The following CACNA1E variants were observed in gnomAD, a reference collection of about 807,000 sequenced individuals.
CACNA1E encodes calcium voltage-gated channel subunit alpha1 E, also known as voltage-dependent R-type calcium channel subunit alpha-1E.
Under a neutral mutation model 259.2 loss-of-function variants are expected in CACNA1E, and 40 were observed. That is an observed-to-expected ratio of 0.15 (90% CI 0.12 to 0.20). The LOEUF is 0.20. Among genes scored for constraint, CACNA1E ranks in the 10% least tolerant of loss-of-function variants. The pLI, the probability that CACNA1E is intolerant of heterozygous loss-of-function variation, is 1.00. For missense variants in CACNA1E, 1,874 were observed against 3,040.1 expected (o/e 0.62, Z 9.02); for synonymous variants, 1,104 against 1,138.5 (o/e 0.97, Z 0.61).
intron 1 of CACNA1E, among the ~76,000 whole-genome samples, chr1:181,405,833 T>G (rs673671): frequency 0.52 from 78,455 of 152,096 alleles, 21,043 homozygotes; most frequent in African/African-American, 0.66. Context: ...TTCAAGTGCT[T>G]AGTCTTTTTC....
intron 1 of CACNA1E, among the ~76,000 whole-genome samples, chr1:181,329,679 A>G (rs956678971): frequency 2.0e-5 from 3 of 152,220 alleles, no homozygotes; most frequent in Admixed American, 6.5e-5. Flanking sequence ...TCTGTCTCAC[A>G]GACAACTGCC....
At chr1:181,589,547 G>C (rs1203701850) in intron 6 of CACNA1E, among the ~76,000 whole-genome samples, 1 of 152,068 alleles carries the variant, frequency 6.6e-6, no homozygotes, top group East Asian at 1.9e-4. Context: ...TGAGGAGAGA[G>C]TGGATAATTT....
chr1:181,580,340 G>A lies in CACNA1E; in HGVS notation c.770-255G>A, dbSNP rs983637223. On this transcript the variant is annotated intron_variant, in intron 5 of 47. Coordinates refer to ENST00000367573, the MANE Select transcript of CACNA1E (RefSeq NM_001205293.3). ...GGTACTTCAGGTGAGGGTAGAGGAT[G>A]AAGCTTGCAGAGAGCAGGGGACTAT... is the stretch of plus-strand genomic sequence containing the variant. Among the ~76,000 whole-genome samples, 15 of 152,316 alleles carry A rather than the reference G, an allele frequency of 9.8e-5. No homozygotes were observed. The Middle Eastern group carries it at 0.01, about 104-fold the overall frequency.
At chr1:181,384,866 G>A (rs1383185451) in intron 1 of CACNA1E, among the ~76,000 whole-genome samples, 1 of 151,836 alleles carries the variant, frequency 6.6e-6, no homozygotes, top group Non-Finnish European at 1.5e-5. Context: ...TTGTGCACAC[G>A]TACCCTAAAA....
At chr1:181,720,674 G>T (rs1309544203) in intron 14 of CACNA1E, 109 bp from the exon 15 acceptor site, 2 of 722,544 alleles carry the variant, frequency 2.8e-6, no homozygotes, top group Non-Finnish European at 4.9e-6. Flanking sequence ...GGAAGAGGGG[G>T]GTTGTAGAAG....
At chr1:181,476,748 C>G (rs1025569984) in intron 2 of CACNA1E, among the ~76,000 whole-genome samples, 1 of 152,138 alleles carries the variant, frequency 6.6e-6, no homozygotes. Context: ...GTCAAGAGGC[C>G]GTGGGGGTGG....
chr1:181,490,917 G>GGACATCGTGCGT (rs961938160), intron 1 of CACNA1E, among the ~76,000 whole-genome samples: 1 of 152,138 alleles, frequency 6.6e-6, no homozygotes, highest in African/African-American at 2.4e-5. Context: ...CTGAGATGCA[G>GGACATCGTGCGT]GACATCGTGC....
At chr1:181,553,883 A>G (rs1648446168) in intron 3 of CACNA1E, among the ~76,000 whole-genome samples, 2 of 152,192 alleles carry the variant, frequency 1.3e-5, no homozygotes. Flanking sequence ...GTTTTTTGAT[A>G]TAGTCACTGG....
intron 6 of CACNA1E, among the ~76,000 whole-genome samples, chr1:181,614,628 G>C (rs1572383683): frequency 1.3e-5 from 2 of 152,188 alleles, no homozygotes; most frequent in East Asian, 1.9e-4. Context: ...TACACATGCA[G>C]TTAATTTTAT....
At chr1:181,518,927 G>A (rs191213314) in intron 3 of CACNA1E, among the ~76,000 whole-genome samples, 3 of 152,120 alleles carry the variant, frequency 2.0e-5, no homozygotes, top group Non-Finnish European at 4.4e-5. Context: ...AGAAAGCTTC[G>A]AAATCCCTGG....
At chr1:181,482,841 C>T (rs1043253026), upstream of CACNA1E, among the ~76,000 whole-genome samples, 2 of 152,266 alleles carry the variant, frequency 1.3e-5, no homozygotes, top group African/African-American at 4.8e-5. Flanking sequence ...CACTCCCGCC[C>T]TCTCGGCGGC....
chr1:181,760,601 G>A (rs560267880), intron 32 of CACNA1E, among the ~76,000 whole-genome samples: 2 of 152,190 alleles, frequency 1.3e-5, no homozygotes, highest in African/African-American at 4.8e-5. Context: ...ACAACAATTG[G>A]TTGGCTATTA....
At chr1:181,652,175 A>G (rs1009737405) in intron 7 of CACNA1E, 2 of 152,328 alleles carry the variant, frequency 1.3e-5, no homozygotes, top group Non-Finnish European at 2.9e-5. Flanking sequence ...AGGAAGGGGA[A>G]CATCACACCA....
intron 1 of CACNA1E, among the ~76,000 whole-genome samples, chr1:181,486,446 C>A (rs899714429): frequency 3.9e-5 from 6 of 152,308 alleles, no homozygotes; most frequent in African/African-American, 1.4e-4. Flanking sequence ...ATTGGGCTTC[C>A]GTGGGAAACG....
intron 35 of CACNA1E, 133 bp from the exon 36 acceptor site, chr1:181,771,160 C>G (rs930991098): frequency 1.6e-6 from 1 of 608,920 alleles, no homozygotes; most frequent in African/African-American, 1.8e-5. Flanking sequence ...CAGCAGCTCT[C>G]TGGGTCTGAG....
In CACNA1E at chr1:181,776,187, C is replaced by T. The variant is rs565479460; in HGVS notation, c.5226C>T (p.Asp1742=). 20 of 1,613,958 alleles carry T rather than the reference C, an allele frequency of 1.2e-5. No individual in the cohort carries two copies. The highest frequency in any genetic ancestry group is 8.9e-5 in the East Asian group (4 of 44,872). The change falls in exon 38 of 48, where the codon GAC becomes GAT. Residue 1742 remains aspartate, a synonymous_variant. Transcript: ENST00000367573. This position sits in a 1 kb window ranked among gnomAD's most constrained non-coding sequence, Gnocchi z 4.4. ...CCATCCTGGGGCCTCACCACTTGGA[C>T]GAGTTTGTCCGCGTCTGGGCAGAAT... The part of the protein sequence containing the change: ...DSSILGPHHL[D]EFVRVWAEYD...
At chr1:181,560,584 T>C (rs1649223054) in intron 3 of CACNA1E, among the ~76,000 whole-genome samples, 1 of 152,242 alleles carries the variant, frequency 6.6e-6, no homozygotes, top group Non-Finnish European at 1.5e-5. Context: ...CATACTTTGC[T>C]CAACCATTCC....
At chr1:181,637,113 T>A (rs1043716991) in intron 6 of CACNA1E, among the ~76,000 whole-genome samples, 8 of 152,216 alleles carry the variant, frequency 5.3e-5, no homozygotes, top group Non-Finnish European at 8.8e-5. Context: ...CTCTTTTCTG[T>A]CTCTTAGACC....
At chr1:181,384,235 T>C (rs776268439) in intron 1 of CACNA1E, among the ~76,000 whole-genome samples, 2 of 152,184 alleles carry the variant, frequency 1.3e-5, no homozygotes, top group African/African-American at 2.4e-5. Flanking sequence ...GGAGATGCGA[T>C]ATCTATGCCA....
Sources: gnomAD v4.1 joint callset for allele counts (sites outside exome capture counted in the v4.1 genomes callset) on GRCh38, gnomAD v4.1.1 for gene constraint, Gnocchi (gnomAD v3.1) non-coding constraint, MANE v1.5 for transcripts, NCBI Gene and HGNC (gene_info 2026-07-23, HGNC 2026-07-21) for gene names.